Variants in RPL7 observed in about 807,000 individuals in gnomAD.
RPL7 encodes ribosomal protein L7.
For synonymous variants in RPL7, 100 were observed against 102.2 expected, an observed-to-expected ratio of 0.98 and a Z score of 0.13; for missense variants, 205 against 301.9, an observed-to-expected ratio of 0.68 and a Z score of 2.38.
rs753178602 is a variant in RPL7, at chr8:73,292,366, T to C, written c.163A>G (p.Lys55Glu). ...ARRKLIYEKA[K>E]HYHKEYRQMY... Reference sequence around the variant, plus strand: ...TGCCTATATTCCTTGTGATAGTGCTTTGCTTTTTCATAGATAAGCTTCCTC... The same window carrying C: ...TGCCTATATTCCTTGTGATAGTGCTCTGCTTTTTCATAGATAAGCTTCCTC... The change falls in exon 3 of 7, where the codon AAG (lysine) becomes GAG (glutamate). Residue 55 changes from lysine (K) to glutamate (E), a missense_variant. Coordinates refer to ENST00000352983, the MANE Select transcript of RPL7 (RefSeq NM_000971.4). 4.1e-5 allele frequency: 65 copies of C among 1,600,654 alleles called. No homozygotes were observed. The highest frequency in any genetic ancestry group is 4.8e-5 in the Non-Finnish European group (57 of 1,178,796).
intron 3 of RPL7, 39 bp from the exon 4 acceptor site, chr8:73,291,949 T>A: frequency 3.7e-6 from 6 of 1,600,386 alleles, no homozygotes; most frequent in Non-Finnish European, 4.3e-6. Context: ...TTGCCTTTCA[T>A]CGAAATTTTT....
chr8:73,292,001 T>C, intron 3 of RPL7, 91 bp from the exon 4 acceptor site: 5 of 1,491,180 alleles, frequency 3.4e-6, no homozygotes, highest in Non-Finnish European at 4.6e-6. Flanking sequence ...GAATCCTACC[T>C]AAACAGATAG....
chr8:73,291,334 G>C (rs546606767), intron 5 of RPL7, 82 bp from the exon 6 acceptor site: 10 of 1,165,172 alleles, frequency 8.6e-6, no homozygotes, highest in Non-Finnish European at 6.1e-6. Flanking sequence ...TGAATAGGCT[G>C]TGAGATGAAA....
Position 73,290,455 on chromosome 8 carries a change from T to C in RPL7, c.*252A>G, listed in dbSNP as rs1380652926. 6.6e-6 allele frequency: 1 copy of C among 152,318 alleles called. No homozygotes were observed. Among genetic ancestry groups the C allele is most frequent in the African/African-American group, 2.4e-5 (1 of 41,464 alleles). 9.4% of individuals were successfully genotyped at this position (152,318 alleles called of 1,614,324 possible). ...ACAGTTAAAAAACAAAAAATTAAAA[T>C]CTTTTGTATAGAAAAGCCTTTTAAA... On this transcript the variant is annotated 3_prime_UTR_variant, in exon 7 of 7. Transcript: ENST00000352983.
chr8:73,292,108 G>A (rs1814111234), intron 3 of RPL7, 131 bp downstream of exon 3: 1 of 1,100,178 alleles, frequency 9.1e-7, no homozygotes, highest in Non-Finnish European at 1.3e-6. Flanking sequence ...TTAGTGATCA[G>A]CACCCTCCTT....
intron 1 of RPL7, chr8:73,293,367 C>A: frequency 1.9e-6 from 1 of 530,360 alleles, no homozygotes; most frequent in Non-Finnish European, 3.4e-6. Flanking sequence ...CCGACGGGTT[C>A]CACACACATT....
chr8:73,292,198 T>TC (rs760491240), intron 3 of RPL7, 41 bp downstream of exon 3: 1 of 1,551,196 alleles, frequency 6.4e-7, no homozygotes, highest in Non-Finnish European at 8.7e-7. Flanking sequence ...GTTTTTTTTT[T>TC]TTTTCCCATT....
chr8:73,292,563 T>TA, intron 2 of RPL7, 126 bp downstream of exon 2: 1 of 1,009,548 alleles, frequency 9.9e-7, no homozygotes, highest in Non-Finnish European at 1.5e-6. Flanking sequence ...CTTCAGATTG[T>TA]AACATTAGGT....
chr8:73,293,833 T>C, upstream of RPL7: 2 of 552,266 alleles, frequency 3.6e-6, no homozygotes, highest in East Asian at 6.5e-5. Flanking sequence ...GATTAGACTT[T>C]TTAATCAATT....
At chr8:73,293,100 A>C in intron 1 of RPL7, 1 of 300,414 alleles carries the variant, frequency 3.3e-6, no homozygotes, top group East Asian at 5.8e-5. Flanking sequence ...AAACACACCA[A>C]CACCCGAATA....
Position 73,292,707 on chromosome 8 carries a change from C to T in RPL7, c.105G>A (p.Lys35=). The part of the protein sequence containing the change: ...FAELKIKRLR[K]KFAQKMLRKA... ...TACTTACCATCTTTTGGGCAAACTT[C>T]TTTCTCAGGCGCTTGATCTTCAGCT... The change falls in exon 2 of 7, where the codon AAG becomes AAA. Residue 35 remains lysine, a synonymous_variant. Coordinates refer to ENST00000352983, the MANE Select transcript of RPL7 (RefSeq NM_000971.4). 1.2e-6 allele frequency: 2 copies of T among 1,613,118 alleles called. No individual in the cohort carries two copies. Among genetic ancestry groups the T allele is most frequent in the South Asian group, 1.1e-5 (1 of 90,886 alleles).
chr8:73,293,499 G>A (rs1006441112), intron 1 of RPL7, 100 bp downstream of exon 1: 8 of 1,442,364 alleles, frequency 5.5e-6, no homozygotes, highest in Non-Finnish European at 7.7e-6. Flanking sequence ...AGGGAGGTGG[G>A]CAAAGGTGCA....
At chr8:73,290,915 C>A (rs1033453701) in intron 6 of RPL7, 128 bp downstream of exon 6, 2 of 705,506 alleles carry the variant, frequency 2.8e-6, no homozygotes, top group African/African-American at 3.6e-5. Flanking sequence ...GATAGTTGAC[C>A]CCCACTCCCC....
At chr8:73,293,730 A>T, upstream of RPL7, 1 of 1,317,824 alleles carries the variant, frequency 7.6e-7, no homozygotes, top group Non-Finnish European at 1.1e-6. Context: ...ATCCAGAACT[A>T]AAAAGCCGCC....
intron 3 of RPL7, 80 bp from the exon 4 acceptor site, chr8:73,291,990 C>T (rs1309506173): frequency 2.6e-6 from 4 of 1,527,238 alleles, no homozygotes; most frequent in Admixed American, 1.7e-5. Context: ...TTTTGAATAT[C>T]GAATCCTACC....
chr8:73,293,596 C>T lies in RPL7; in HGVS notation c.14+3G>A. 1.9e-6 allele frequency: 3 copies of T among 1,613,772 alleles called. No homozygotes were observed. The highest frequency in any genetic ancestry group is 1.7e-6 in the Non-Finnish European group (2 of 1,179,898). On this transcript the variant is annotated splice_donor_region_variant and intron_variant, in intron 1 of 6. Coordinates refer to ENST00000352983, the MANE Select transcript of RPL7 (RefSeq NM_000971.4). ...ATTCTCAAGAGGACCAGAAGCAACT[C>T]ACTCTACACCCTCCATGGTTCCAGC...
chr8:73,291,691 T>G (rs762849044), intron 4 of RPL7, 30 bp from the exon 5 acceptor site: 3 of 1,589,548 alleles, frequency 1.9e-6, no homozygotes, highest in South Asian at 1.1e-5. Flanking sequence ...ATAAATAAGG[T>G]GACCACTGTT....
At chr8:73,291,369 A>AAGCC in intron 5 of RPL7, 117 bp from the exon 6 acceptor site, 1 of 885,562 alleles carries the variant, frequency 1.1e-6, no homozygotes, top group Non-Finnish European at 1.7e-6. Flanking sequence ...AAACAAGGTA[A>AAGCC]ATGCATGGCT....
intron 2 of RPL7, 130 bp from the exon 3 acceptor site, chr8:73,292,535 A>G (rs1021669904): frequency 4.9e-6 from 5 of 1,030,490 alleles, no homozygotes; most frequent in Middle Eastern, 2.5e-4. Context: ...TACATCCCCC[A>G]CCAAAAAACC....
Sources: gnomAD v4.1 joint callset for allele counts on GRCh38, gnomAD v4.1.1 for gene constraint, MANE v1.5 for transcripts, NCBI Gene and HGNC (gene_info 2026-07-23, HGNC 2026-07-21) for gene names.